The following ARHGAP42 variants were observed in gnomAD, a reference collection of about 807,000 sequenced individuals.
ARHGAP42 encodes rho GTPase-activating protein 42.
ARHGAP42 carries 63 observed loss-of-function variants against 125.0 expected under a neutral mutation model. The ratio of observed to expected loss-of-function variants is 0.50; its 90% CI spans 0.41 to 0.62. The LOEUF (loss-of-function observed/expected upper bound fraction) is 0.62, where lower values mean the gene tolerates loss of function less well. ARHGAP42 is among the 20% of genes least tolerant of loss of function. The pLI is 0.00. For synonymous variants in ARHGAP42, 339 were observed against 351.0 expected (o/e 0.97, Z 0.38); for missense variants, 766 against 1,024.2 (o/e 0.75, Z 3.44).
In ARHGAP42 at chr11:100,963,290, A is replaced by G. The variant is rs372161609; in HGVS notation, c.1444+823A>G. ...GATTGCCGTCATATGATATGAATAG[A>G]TAGATCAATTTAAAATATTAGCAGG... On this transcript the variant is annotated intron_variant, in intron 16 of 23. Coordinates refer to ENST00000298815, the MANE Select transcript of ARHGAP42 (RefSeq NM_152432.4). Among the ~76,000 whole-genome samples the G allele has an allele frequency of 9.2e-5, 14 of 152,288 alleles. No individual in the cohort carries two copies. The South Asian group carries it at 2.1e-3, about 23-fold the overall frequency.
At position 100,976,082 on chromosome 11, in the gene ARHGAP42, C is replaced by T. The variant is rs1350627219; in HGVS notation, c.1881C>T (p.Asp627=). Residue 627 remains aspartate, a synonymous_variant, in exon 20 of 24, where the codon GAC becomes GAT. Transcript: ENST00000298815. Reference sequence around the variant, plus strand: ...GTGACTCCTATAGCAGCAGCCCAGACAGCACACCTATGGGGAGCATTGAGT... The same window carrying T: ...GTGACTCCTATAGCAGCAGCCCAGATAGCACACCTATGGGGAGCATTGAGT... ...PDSDSYSSSP[D]STPMGSIESL... is the part of the protein sequence containing the mutation. The T allele has an allele frequency of 6.5e-7, 1 of 1,539,956 alleles. No individual in the cohort carries two copies. The highest frequency in any genetic ancestry group is 1.4e-5 in the African/African-American group (1 of 72,828).
chr11:100,779,485 T>TATATATACACACAC (rs1312550660), intron 2 of ARHGAP42, among the ~76,000 whole-genome samples: 78 of 81,378 alleles, frequency 9.6e-4, no homozygotes, highest in South Asian at 2.8e-3. Context: ...TATATATATA[T>TATATATACACACAC]ACACACACAC....
intron 18 of ARHGAP42, 35 bp from the exon 19 acceptor site, chr11:100,974,424 T>A (rs1349289323): frequency 6.5e-7 from 1 of 1,541,094 alleles, no homozygotes; most frequent in African/African-American, 1.4e-5. Flanking sequence ...AATATCACCC[T>A]TTTATTGACC....
chr11:100,948,237 T>A (rs2135281326), intron 10 of ARHGAP42, among the ~76,000 whole-genome samples: 1 of 152,228 alleles, frequency 6.6e-6, no homozygotes, highest in East Asian at 1.9e-4. Flanking sequence ...TTATCACCTG[T>A]GATCATTAGA....
intron 8 of ARHGAP42, among the ~76,000 whole-genome samples, chr11:100,939,782 C>A (rs1867826913): frequency 6.6e-6 from 1 of 152,172 alleles, no homozygotes; most frequent in African/African-American, 2.4e-5. Context: ...TGCCAGTCAA[C>A]TTTAAAGAAA....
chr11:100,916,927 A>C (rs116627909), intron 5 of ARHGAP42, among the ~76,000 whole-genome samples: 2,121 of 152,276 alleles, frequency 0.014, 52 homozygotes, highest in African/African-American at 0.048. Context: ...ATTTAAAGAC[A>C]TTGAGAAATA....
chr11:100,755,273 CTTTA>C (rs1158494443), intron 1 of ARHGAP42, among the ~76,000 whole-genome samples: 2 of 152,206 alleles, frequency 1.3e-5, no homozygotes, highest in South Asian at 4.1e-4. Context: ...GGTTCCCAAA[CTTTA>C]TTTATCATAA....
chr11:100,811,244 C>T (rs1253465975), intron 3 of ARHGAP42, among the ~76,000 whole-genome samples: 1 of 152,158 alleles, frequency 6.6e-6, no homozygotes, highest in Non-Finnish European at 1.5e-5. Flanking sequence ...GCGCGAGCTA[C>T]CATGCCTGGC....
chr11:100,882,017 T>C (rs2135177890), intron 4 of ARHGAP42, among the ~76,000 whole-genome samples: 1 of 152,328 alleles, frequency 6.6e-6, no homozygotes, highest in African/African-American at 2.4e-5. Context: ...TTTCTAGGTA[T>C]ACAGTCATAT....
intron 3 of ARHGAP42, among the ~76,000 whole-genome samples, chr11:100,850,004 C>T (rs1050205913): frequency 6.6e-6 from 1 of 152,172 alleles, no homozygotes; most frequent in African/African-American, 2.4e-5. Context: ...CTTTAATGAT[C>T]TCTTCTTAAC....
intron 1 of ARHGAP42, among the ~76,000 whole-genome samples, chr11:100,744,474 G>T (rs1350403385): frequency 6.6e-6 from 1 of 151,276 alleles, no homozygotes; most frequent in Non-Finnish European, 1.5e-5. Flanking sequence ...TTATTTTTCT[G>T]GTTCCTTCTC....
At chr11:100,969,466 G>A in intron 17 of ARHGAP42, among the ~76,000 whole-genome samples, 1 of 151,906 alleles carries the variant, frequency 6.6e-6, no homozygotes, top group Non-Finnish European at 1.5e-5. Context: ...TCTTTCATCT[G>A]CTACTGGTAC....
At chr11:100,986,069 T>C in intron 22 of ARHGAP42, 1 of 456,700 alleles carries the variant, frequency 2.2e-6, no homozygotes, top group South Asian at 1.5e-5. Flanking sequence ...CACTCATTCA[T>C]TTAGCTAACA....
chr11:100,882,491 T>C (rs1216034790), intron 4 of ARHGAP42, among the ~76,000 whole-genome samples: 2 of 152,072 alleles, frequency 1.3e-5, no homozygotes, highest in Non-Finnish European at 2.9e-5. Context: ...TGGATTCGGT[T>C]AGCCAGTATT....
chr11:100,788,250 A>G (rs1028799208), intron 2 of ARHGAP42, among the ~76,000 whole-genome samples: 2 of 152,180 alleles, frequency 1.3e-5, no homozygotes, highest in Non-Finnish European at 2.9e-5. Flanking sequence ...GCAAGATTTC[A>G]GAGCGTGTTC....
chr11:100,751,843 G>T (rs188069928), intron 1 of ARHGAP42, among the ~76,000 whole-genome samples: 1 of 143,472 alleles, frequency 7.0e-6, no homozygotes, highest in Non-Finnish European at 1.5e-5. Context: ...GCAATGGTGC[G>T]ATCTTGGCTC....
At chr11:100,894,645 A>AC (rs1185282479) in intron 4 of ARHGAP42, among the ~76,000 whole-genome samples, 11 of 152,160 alleles carry the variant, frequency 7.2e-5, no homozygotes, top group African/African-American at 2.2e-4. Flanking sequence ...GCTGGTTATC[A>AC]TGTTTGCTTC....
chr11:100,809,111 T>C (rs11224462), intron 3 of ARHGAP42, among the ~76,000 whole-genome samples: 31,156 of 152,090 alleles, frequency 0.2, 4,045 homozygotes, highest in African/African-American at 0.37. Flanking sequence ...TTTTTTATCT[T>C]TGCCTCTCAT....
intron 4 of ARHGAP42, among the ~76,000 whole-genome samples, chr11:100,899,091 C>T (rs1180869038): frequency 1.3e-5 from 2 of 152,228 alleles, no homozygotes; most frequent in Non-Finnish European, 2.9e-5. Flanking sequence ...GCCTTCATTT[C>T]GTTATTTACC....
Sources: allele counts gnomAD v4.1 joint callset (sites outside exome capture counted in the v4.1 genomes callset), GRCh38; gene constraint gnomAD v4.1.1; transcripts MANE v1.5; gene names NCBI Gene and HGNC (gene_info 2026-07-23, HGNC 2026-07-21).